Variants in GYS1 observed in about 807,000 individuals in gnomAD.
GYS1 encodes the protein glycogen [starch] synthase, muscle.
Under a neutral mutation model 89.1 loss-of-function variants are expected in GYS1, and 60 were observed. That is an observed-to-expected ratio of 0.67 (90% CI 0.55 to 0.84). The LOEUF is 0.84. GYS1 is among the 40% of genes least tolerant of loss of function. The pLI, the probability that GYS1 is intolerant of heterozygous loss-of-function variation, is 0.00. For missense variants in GYS1, 888 were observed against 1,003.1 expected, an observed-to-expected ratio of 0.89 and a Z score of 1.55; for synonymous variants, 366 against 401.7, an observed-to-expected ratio of 0.91 and a Z score of 1.06.
At chr19:48,971,624 G>C (rs945884842) in intron 12 of GYS1, among the ~76,000 whole-genome samples, 1 of 150,722 alleles carries the variant, frequency 6.6e-6, no homozygotes. Context: ...GCACAATCTC[G>C]GCTCACTGCA....
intron 6 of GYS1, 77 bp from the exon 7 acceptor site, chr19:48,982,452 A>G: frequency 6.4e-7 from 1 of 1,558,654 alleles, no homozygotes; most frequent in East Asian, 2.2e-5. Context: ...AAATCCCAGA[A>G]GCTATGGGTG....
At position 48,969,802 on chromosome 19, in the gene GYS1, G is replaced by A. The variant is rs778567254; in HGVS notation, c.1863C>T (p.Phe621=). Residue 621 remains phenylalanine, a synonymous_variant, in exon 15 of 16, where the codon TTC becomes TTT. Coordinates refer to ENST00000323798, the MANE Select transcript of GYS1 (RefSeq NM_002103.5). Reference sequence around the variant, plus strand: ...CATCCGCCTCGTTGGGCTCGTAGGTGAAGTGCTCTGGAAAGGCCTTGGACA... The same window carrying A: ...CATCCGCCTCGTTGGGCTCGTAGGTAAAGTGCTCTGGAAAGGCCTTGGACA... ...MALSKAFPEH[F]TYEPNEADAA... is the part of the protein sequence containing the mutation. 2.5e-6 allele frequency: 4 copies of A among 1,613,912 alleles called. No individual in the cohort carries two copies. The African/African-American group carries it at 5.3e-5, about 22-fold the overall frequency.
chr19:48,971,007 C>T lies in GYS1; in HGVS notation c.1566G>A (p.Met522Ile), dbSNP rs2038556427. Residue 522 changes from methionine (M) to isoleucine (I), a missense_variant, in exon 13 of 16, where the codon ATG becomes ATA. Met to Ile is a conservative substitution (Grantham distance 10). Transcript: ENST00000323798. Reference sequence around the variant, plus strand: ...GATTGGTGGAGATACTGGGGATTCCCATAACCGTGCACTCAGCTGCGGGAA... The same window carrying T: ...GATTGGTGGAGATACTGGGGATTCCTATAACCGTGCACTCAGCTGCGGGAA... ...WGYTPAECTV[M>I]GIPSISTNLS... 6.2e-7 allele frequency: 1 copy of T among 1,613,482 alleles called. No homozygotes were observed. Among genetic ancestry groups the T allele is most frequent in the Non-Finnish European group, 8.5e-7 (1 of 1,179,382 alleles).
chr19:48,991,450 G>T lies in GYS1; in HGVS notation c.152C>A (p.Ala51Glu). The T allele has an allele frequency of 6.2e-7, 1 of 1,614,048 alleles. No individual in the cohort carries two copies. Among genetic ancestry groups the T allele is most frequent in the Non-Finnish European group, 8.5e-7 (1 of 1,180,022 alleles). Residue 51 changes from alanine to glutamate, a missense_variant, in exon 2 of 16, where the codon GCG becomes GAG. Coordinates refer to ENST00000323798, the MANE Select transcript of GYS1 (RefSeq NM_002103.5). This position sits in a 1 kb window ranked among gnomAD's most constrained non-coding sequence, Gnocchi z 4.7. ...GGIYTVLQTK[A>E]KVTGDEWGDN... The stretch of plus-strand genomic sequence containing the variant: ...GCCCCATTCGTCCCCTGTCACCTTC[G>T]CCTTCGTCTGCAGCACCGTGTAGAT...
Position 48,969,400 on chromosome 19 carries a change from G to A in GYS1, c.2102C>T (p.Ser701Phe). ...PEWPRRASCT[S>F]STSGSKRNSV... Reference sequence around the variant, plus strand: ...GTTGCGCTTGCTGCCGCTGGTGGAGGAGGTGCAGGACGCTCGGCGCGGCCA... The same window carrying A: ...GTTGCGCTTGCTGCCGCTGGTGGAGAAGGTGCAGGACGCTCGGCGCGGCCA... Residue 701 changes from serine to phenylalanine, a missense_variant, in exon 16 of 16, where the codon TCC becomes TTC. Physicochemically the swap from Ser to Phe is radical, Grantham distance 155. Coordinates refer to ENST00000323798, the MANE Select transcript of GYS1 (RefSeq NM_002103.5). 1.9e-6 allele frequency: 3 copies of A among 1,561,444 alleles called. No homozygotes were observed. Among genetic ancestry groups the A allele is most frequent in the Non-Finnish European group, 2.6e-6 (3 of 1,157,374 alleles).
Position 48,969,442 on chromosome 19 carries a change from T to C in GYS1, c.2060A>G (p.Asn687Ser), listed in dbSNP as rs1224477083. ...GCGCGGCCACTCTGGTGCACGGATG[T>C]TGCGCCGGTCCTTGGCGGCCTCCTC... ...EDEEAAKDRR[N>S]IRAPEWPRRA... Residue 687 changes from asparagine to serine, a missense_variant, in exon 16 of 16, where the codon AAC becomes AGC. Transcript: ENST00000323798. 1.3e-6 allele frequency: 2 copies of C among 1,545,496 alleles called. No homozygotes were observed. Among genetic ancestry groups the C allele is most frequent in the African/African-American group, 2.7e-5 (2 of 72,982 alleles).
intron 4 of GYS1, 85 bp downstream of exon 4, chr19:48,985,765 G>A (rs963738115): frequency 3.3e-6 from 5 of 1,532,556 alleles, no homozygotes; most frequent in African/African-American, 2.7e-5. Flanking sequence ...TGGGAGAAGA[G>A]GGGGTGCCAT....
At chr19:48,974,146 C>T in intron 12 of GYS1, 67 bp downstream of exon 12, 23 of 1,519,332 alleles carry the variant, frequency 1.5e-5, no homozygotes, top group South Asian at 8.4e-5. Flanking sequence ...GCCAGTGCCT[C>T]GCCCCAAGAC....
At chr19:48,979,654 T>C (rs1331221304) in intron 8 of GYS1, among the ~76,000 whole-genome samples, 4 of 143,268 alleles carry the variant, frequency 2.8e-5, no homozygotes, top group East Asian at 4.1e-4. Flanking sequence ...TTCTTTTTTT[T>C]TTTTTTTTTT....
At chr19:48,982,642 C>T in intron 6 of GYS1, 78 bp downstream of exon 6, 1 of 1,096,426 alleles carries the variant, frequency 9.1e-7, no homozygotes, top group Non-Finnish European at 1.4e-6. Context: ...GGGCCCCCAG[C>T]TGCCCCCTCC....
At chr19:48,978,915 G>T (rs2038704016) in intron 8 of GYS1, among the ~76,000 whole-genome samples, 1 of 152,150 alleles carries the variant, frequency 6.6e-6, no homozygotes, top group Admixed American at 6.5e-5. Flanking sequence ...CTGGAGGATG[G>T]GGACCCAGGG....
chr19:48,985,805 T>C, intron 4 of GYS1, 45 bp downstream of exon 4: 1 of 1,605,472 alleles, frequency 6.2e-7, no homozygotes, highest in Non-Finnish European at 8.5e-7. Flanking sequence ...CTTTGGGTTT[T>C]CCTGGCATAC....
intron 13 of GYS1, 77 bp from the exon 14 acceptor site, chr19:48,970,786 A>AC: frequency 6.7e-7 from 1 of 1,491,076 alleles, no homozygotes; most frequent in Non-Finnish European, 9.3e-7. Context: ...TGGCACCAGG[A>AC]CCCCTCCTCT....
chr19:48,986,482 T>C (rs1039011258), intron 3 of GYS1, among the ~76,000 whole-genome samples: 4 of 151,724 alleles, frequency 2.6e-5, no homozygotes, highest in African/African-American at 9.7e-5. Context: ...CATGAGAAAT[T>C]AAGCTTCTTT....
In GYS1 at chr19:48,975,233, A is replaced by ATT. The variant is rs554660546; in HGVS notation, c.1309-502_1309-501dup. Reference sequence around the variant, plus strand: ...GGCGTGAGCCATTGCGCTCAGCCTAATTTTTTTTTTTTTTTTTTTTAATAG... The same window carrying ATT: ...GGCGTGAGCCATTGCGCTCAGCCTAATTTTTTTTTTTTTTTTTTTTTTAATAG... On this transcript the variant is annotated intron_variant, in intron 10 of 15. Coordinates refer to ENST00000323798, the MANE Select transcript of GYS1 (RefSeq NM_002103.5). Among the ~76,000 whole-genome samples the ATT allele has an allele frequency of 1.0e-3, 135 of 134,826 alleles. 1 individual carries two copies. Among genetic ancestry groups the ATT allele is most frequent in the Middle Eastern group, 7.8e-3 (2 of 258 alleles). 88.5% of individuals were successfully genotyped at this position (134,826 alleles called of 152,430 possible).
At chr19:48,987,649 T>TC (rs1449203067) in intron 2 of GYS1, among the ~76,000 whole-genome samples, 3 of 152,170 alleles carry the variant, frequency 2.0e-5, no homozygotes, top group African/African-American at 7.2e-5. Context: ...TTTCTTTCTT[T>TC]TTTTTGAGAT....
In GYS1 at chr19:48,993,046, C is replaced by T. The variant is rs755528744; in HGVS notation, c.67G>A (p.Asp23Asn). The T allele has an allele frequency of 2.0e-5, 33 of 1,613,544 alleles. No individual in the cohort carries two copies. The highest frequency in any genetic ancestry group is 2.8e-5 in the Non-Finnish European group (33 of 1,179,644). ...TCGAAGAGCACTGCGTTCTCCAGGT[C>T]GAATTCATCCTCCCAGTCCTCCAGT... The part of the protein sequence containing the change: ...PGLEDWEDEF[D>N]LENAVLFEVA... Residue 23 changes from aspartate to asparagine, a missense_variant, in exon 1 of 16, where the codon GAC (aspartate) becomes AAC (asparagine). Transcript: ENST00000323798.
intron 12 of GYS1, among the ~76,000 whole-genome samples, chr19:48,973,225 T>C (rs2038592706): frequency 6.6e-6 from 1 of 152,146 alleles, no homozygotes; most frequent in Admixed American, 6.6e-5. Context: ...AAGAAGCTTC[T>C]TTCTTCCCCT....
chr19:48,981,143 G>C (rs2038755183), intron 8 of GYS1, among the ~76,000 whole-genome samples: 1 of 149,898 alleles, frequency 6.7e-6, no homozygotes, highest in African/African-American at 2.5e-5. Flanking sequence ...GGCCGGGTGC[G>C]GTGGCTCATG....
Sources: allele counts gnomAD v4.1 joint callset (sites outside exome capture counted in the v4.1 genomes callset), GRCh38; gene constraint gnomAD v4.1.1; non-coding constraint Gnocchi (gnomAD v3.1); transcripts MANE v1.5; gene names NCBI Gene and HGNC (gene_info 2026-07-23, HGNC 2026-07-21).